TTC29: variants seen among roughly 807,000 people sequenced by gnomAD.
The protein encoded by TTC29 is tetratricopeptide repeat protein 29.
TTC29 carries 49 observed loss-of-function variants against 58.1 expected under a neutral mutation model. That is an observed-to-expected ratio of 0.84 (90% CI 0.67 to 1.07). TTC29 has a LOEUF of 1.07. TTC29 is among the 50% of genes least tolerant of loss of function. The pLI is 0.00. For missense variants in TTC29, 582 were observed against 555.6 expected (o/e 1.05, Z -0.48); for synonymous variants, 209 against 196.8 (o/e 1.06, Z -0.52).
chr4:146,738,525 G>A (rs1744888900), intron 11 of TTC29, among the ~76,000 whole-genome samples: 1 of 151,930 alleles, frequency 6.6e-6, no homozygotes, highest in Non-Finnish European at 1.5e-5. Flanking sequence ...TTGCTCGAAG[G>A]GATCTGTGGT....
At chr4:146,871,120 A>G (rs1384172499) in intron 7 of TTC29, among the ~76,000 whole-genome samples, 2 of 152,010 alleles carry the variant, frequency 1.3e-5, no homozygotes, top group African/African-American at 2.4e-5. Context: ...GTAACATATA[A>G]GAAGGATTAT....
At chr4:146,931,437 T>C (rs1282002042) in intron 4 of TTC29, among the ~76,000 whole-genome samples, 1 of 152,222 alleles carries the variant, frequency 6.6e-6, no homozygotes, top group Non-Finnish European at 1.5e-5. Flanking sequence ...ATAGTCTGAA[T>C]TGAGTGTCGT....
chr4:146,729,281 T>C (rs1191339802), intron 11 of TTC29, among the ~76,000 whole-genome samples: 1 of 152,168 alleles, frequency 6.6e-6, no homozygotes, highest in African/African-American at 2.4e-5. Context: ...ACGTTTCTCC[T>C]AACATGAGTA....
intron 9 of TTC29, among the ~76,000 whole-genome samples, chr4:146,825,943 A>ATT (rs1561163638): frequency 3.1e-5 from 4 of 130,158 alleles, no homozygotes; most frequent in African/African-American, 1.1e-4. Flanking sequence ...TTTTTTTTAA[A>ATT]AAAATTTCCA....
intron 11 of TTC29, among the ~76,000 whole-genome samples, chr4:146,796,950 T>A (rs2150110106): frequency 6.6e-6 from 1 of 152,080 alleles, no homozygotes; most frequent in South Asian, 2.1e-4. Context: ...AAATACCCAG[T>A]ATCAAAATAT....
chr4:146,859,115 T>C (rs1270550947), intron 8 of TTC29, among the ~76,000 whole-genome samples: 5 of 152,060 alleles, frequency 3.3e-5, no homozygotes, highest in Admixed American at 3.3e-4. Context: ...AGCCAGGAGA[T>C]GATAGGGAAG....
At chr4:146,726,974 G>A (rs988491878) in intron 11 of TTC29, among the ~76,000 whole-genome samples, 1 of 151,788 alleles carries the variant, frequency 6.6e-6, no homozygotes, top group Non-Finnish European at 1.5e-5. Context: ...TGAAATCCTT[G>A]ATCCCACTTA....
chr4:146,800,254 T>C (rs1365718234), intron 11 of TTC29, among the ~76,000 whole-genome samples: 1 of 152,232 alleles, frequency 6.6e-6, no homozygotes. Context: ...GTCACTGTTC[T>C]ATTTCATCTA....
chr4:146,759,330 G>A (rs544046084), intron 11 of TTC29, among the ~76,000 whole-genome samples: 1 of 151,696 alleles, frequency 6.6e-6, no homozygotes, highest in East Asian at 1.9e-4. Context: ...GATTGAAATG[G>A]TAATTACAAA....
intron 5 of TTC29, 75 bp downstream of exon 5, chr4:146,908,951 A>G (rs940246326): frequency 9.4e-6 from 12 of 1,281,704 alleles, no homozygotes; most frequent in Non-Finnish European, 1.3e-5. Flanking sequence ...TCATACATGA[A>G]ACAATCTGGA....
intron 10 of TTC29, among the ~76,000 whole-genome samples, chr4:146,806,464 C>A (rs559455289): frequency 9.5e-4 from 145 of 152,256 alleles, no homozygotes; most frequent in African/African-American, 3.3e-3. Flanking sequence ...GAAGACCCAT[C>A]GGTGTGCTTT....
At chr4:146,752,237 A>G (rs1189277294) in intron 11 of TTC29, among the ~76,000 whole-genome samples, 1 of 151,244 alleles carries the variant, frequency 6.6e-6, no homozygotes, top group African/African-American at 2.4e-5. Context: ...TACAAAATCA[A>G]TGTACAAAAA....
chr4:146,908,747 A>AAC (rs1733691836), intron 5 of TTC29, among the ~76,000 whole-genome samples: 1 of 152,178 alleles, frequency 6.6e-6, no homozygotes, highest in Non-Finnish European at 1.5e-5. Flanking sequence ...AATGATAGGA[A>AAC]CTATGTTAAT....
Position 146,840,175 on chromosome 4 carries a change from T to C in TTC29, c.886-6278A>G, listed in dbSNP as rs1408767381. On this transcript the variant is annotated intron_variant, in intron 8 of 12. Transcript: ENST00000325106. ...GTGGGTACTGGTTTTTATCTTTTTT[T>C]TTTTTTTTGGTCTACTGTACCTTTG... is the stretch of plus-strand genomic sequence containing the variant. 2.0e-5 allele frequency among the ~76,000 whole-genome samples: 3 copies of C among 151,718 alleles called. No individual in the cohort carries two copies. The East Asian group carries it at 5.8e-4, about 29-fold the overall frequency.
intron 8 of TTC29, among the ~76,000 whole-genome samples, chr4:146,859,043 A>C (rs1730058496): frequency 6.6e-6 from 1 of 152,172 alleles, no homozygotes. Context: ...ACCTATATGC[A>C]TTCCAGGAAA....
chr4:146,942,373 T>C (rs73855100), intron 2 of TTC29, among the ~76,000 whole-genome samples: 15,345 of 152,248 alleles, frequency 0.1, 1,604 homozygotes, highest in African/African-American at 0.27. Flanking sequence ...ACATACTATA[T>C]TACCCTTTAT....
intron 11 of TTC29, among the ~76,000 whole-genome samples, chr4:146,758,472 T>C (rs1179921974): frequency 1.3e-5 from 2 of 152,120 alleles, no homozygotes; most frequent in South Asian, 2.1e-4. Flanking sequence ...ATTTAAACCA[T>C]ACCTTGGTAT....
chr4:146,715,110 T>A (rs1041051088), intron 11 of TTC29, among the ~76,000 whole-genome samples: 2 of 152,048 alleles, frequency 1.3e-5, no homozygotes, highest in Non-Finnish European at 2.9e-5. Flanking sequence ...AGTGTTGGGA[T>A]GACAGGCATG....
At chr4:146,775,110 T>C (rs1462336608) in intron 11 of TTC29, among the ~76,000 whole-genome samples, 1 of 152,166 alleles carries the variant, frequency 6.6e-6, no homozygotes, top group Non-Finnish European at 1.5e-5. Flanking sequence ...CTTTTCTCCA[T>C]CCATTTACTT....
Sources: allele counts gnomAD v4.1 joint callset (sites outside exome capture counted in the v4.1 genomes callset), GRCh38; gene constraint gnomAD v4.1.1; transcripts MANE v1.5; gene names NCBI Gene and HGNC (gene_info 2026-07-23, HGNC 2026-07-21).